TENM2: variants seen among roughly 807,000 people sequenced by gnomAD.
The protein encoded by TENM2 is teneurin transmembrane protein 2.
In TENM2, 52 loss-of-function variants were observed where a neutral mutation model predicts 245.2. The observed-to-expected ratio is 0.21, with a 90% confidence interval of 0.17 to 0.27. The LOEUF is 0.27. Ranked by LOEUF, TENM2 falls within the 10% of genes least tolerant of loss-of-function variation. The probability of loss-of-function intolerance (pLI) is 1.00; values close to 1 mark genes in which losing one functional copy is unlikely to be tolerated. For synonymous variants in TENM2, 1,363 were observed against 1,438.9 expected (o/e 0.95, Z 1.19); for missense variants, 3,046 against 3,666.8 (o/e 0.83, Z 4.37).
At chr5:167,233,942 A>T in the TENM2 span, among the ~76,000 whole-genome samples, 3 of 151,958 alleles carry the variant, frequency 2.0e-5, no homozygotes, top group South Asian at 6.2e-4. Flanking sequence ...TGAAAATAAT[A>T]AAAAAAAGAA....
chr5:167,258,597 A>G, the TENM2 span, among the ~76,000 whole-genome samples: 1 of 152,118 alleles, frequency 6.6e-6, no homozygotes, highest in Non-Finnish European at 1.5e-5. Context: ...TTAGAATTCT[A>G]TTATATCATT....
the TENM2 span, among the ~76,000 whole-genome samples, chr5:167,217,321 A>T: frequency 5.9e-5 from 9 of 152,290 alleles, no homozygotes; most frequent in East Asian, 1.7e-3. Flanking sequence ...ACAGACTTTT[A>T]AAACAATTAT....
chr5:167,014,140 C>CT, the TENM2 span, among the ~76,000 whole-genome samples: 39 of 128,636 alleles, frequency 3.0e-4, no homozygotes, highest in Admixed American at 3.3e-4. Flanking sequence ...AAAACCAATT[C>CT]TTTTTTTTTT....
the TENM2 span, among the ~76,000 whole-genome samples, chr5:167,185,980 G>A: frequency 6.6e-6 from 1 of 152,090 alleles, no homozygotes; most frequent in East Asian, 1.9e-4. Flanking sequence ...GTGGTGGCAG[G>A]GAAATTTTTT....
At chr5:167,390,134 C>T (rs1464421221) in intron 2 of TENM2, among the ~76,000 whole-genome samples, 1 of 152,130 alleles carries the variant, frequency 6.6e-6, no homozygotes, top group African/African-American at 2.4e-5. Flanking sequence ...AAGCATGCGA[C>T]TTATTTTCTG....
At chr5:167,427,011 G>A (rs1763866614) in intron 2 of TENM2, among the ~76,000 whole-genome samples, 1 of 152,030 alleles carries the variant, frequency 6.6e-6, no homozygotes, top group African/African-American at 2.4e-5. Flanking sequence ...AACATGGCAG[G>A]GGTGAAAGAA....
the TENM2 span, among the ~76,000 whole-genome samples, chr5:167,216,381 T>G: frequency 1.3e-5 from 2 of 152,212 alleles, no homozygotes; most frequent in Admixed American, 1.3e-4. Context: ...TTGTCCAGAT[T>G]GCTGTGTGCC....
At chr5:167,978,643 T>A (rs1011833561) in intron 4 of TENM2, among the ~76,000 whole-genome samples, 2 of 151,318 alleles carry the variant, frequency 1.3e-5, no homozygotes, top group African/African-American at 4.9e-5. Flanking sequence ...GAATGGCGAG[T>A]TACTGTTTAA....
chr5:167,011,763 A>G, the TENM2 span, among the ~76,000 whole-genome samples: 1 of 152,202 alleles, frequency 6.6e-6, no homozygotes, highest in African/African-American at 2.4e-5. Flanking sequence ...TGATGAACTC[A>G]TTTGGCAGGT....
intron 2 of TENM2, among the ~76,000 whole-genome samples, chr5:167,500,061 GGTGT>G (rs10664934): frequency 6.8e-5 from 10 of 148,002 alleles, no homozygotes; most frequent in Non-Finnish European, 1.3e-4. Context: ...TATATATGAG[GGTGT>G]GTGTGTGTGT....
intron 2 of TENM2, among the ~76,000 whole-genome samples, chr5:167,464,611 A>G (rs1766526110): frequency 6.6e-6 from 1 of 152,198 alleles, no homozygotes; most frequent in South Asian, 2.1e-4. Flanking sequence ...AATTTTCATT[A>G]TAACATTAAG....
intron 2 of TENM2, among the ~76,000 whole-genome samples, chr5:167,622,467 A>G (rs7730427): frequency 0.13 from 19,687 of 152,124 alleles, 3,240 homozygotes; most frequent in African/African-American, 0.37. Flanking sequence ...TGGCAAAGGT[A>G]TAGATTCCTC....
chr5:167,929,081 GAA>G (rs1182549757), intron 3 of TENM2, among the ~76,000 whole-genome samples: 2 of 73,088 alleles, frequency 2.7e-5, no homozygotes, highest in African/African-American at 6.7e-5. Context: ...AAGAAAGAAA[GAA>G]AGAAAGAAAG....
At chr5:167,431,968 T>TATATATATACACATATATATAC (rs1554150939) in intron 2 of TENM2, among the ~76,000 whole-genome samples, 3 of 136,964 alleles carry the variant, frequency 2.2e-5, no homozygotes, top group African/African-American at 8.2e-5. Flanking sequence ...TATGTATATA[T>TATATATATACACATATATATAC]ATATATATAT....
intron 3 of TENM2, among the ~76,000 whole-genome samples, chr5:167,929,057 GAGAGAAAGAAAGAA>G (rs1418174940): frequency 7.8e-4 from 45 of 57,382 alleles, no homozygotes; most frequent in Non-Finnish European, 1.1e-3. Flanking sequence ...AAGAAAGAAA[GAGAGAAAGAAAGAA>G]AGAAAGAAAG....
At chr5:167,478,184 TACTG>T (rs1392500851) in intron 2 of TENM2, among the ~76,000 whole-genome samples, 1 of 152,218 alleles carries the variant, frequency 6.6e-6, no homozygotes, top group African/African-American at 2.4e-5. Context: ...TCTTTAAAAA[TACTG>T]ACTAATACTT....
chr5:167,124,455 A>G, the TENM2 span, among the ~76,000 whole-genome samples: 1 of 152,190 alleles, frequency 6.6e-6, no homozygotes, highest in Admixed American at 6.5e-5. Context: ...CCTTATATAA[A>G]ACCTTGCCCA....
At chr5:167,563,395 A>C (rs1195771779) in intron 2 of TENM2, among the ~76,000 whole-genome samples, 1 of 152,116 alleles carries the variant, frequency 6.6e-6, no homozygotes, top group Non-Finnish European at 1.5e-5. Flanking sequence ...AGACCTTCTG[A>C]TGAAATACTT....
intron 2 of TENM2, among the ~76,000 whole-genome samples, chr5:167,443,278 G>A (rs1764970424): frequency 6.6e-6 from 1 of 152,092 alleles, no homozygotes; most frequent in Admixed American, 6.6e-5. Flanking sequence ...TCTAGTAGTG[G>A]TTGGCAAATT....
Sources: allele counts gnomAD v4.1 joint callset (sites outside exome capture counted in the v4.1 genomes callset), GRCh38; gene constraint gnomAD v4.1.1; transcripts MANE v1.5; gene names NCBI Gene and HGNC (gene_info 2026-07-23, HGNC 2026-07-21).